IGSF22: variants seen among roughly 807,000 people sequenced by gnomAD.
The protein encoded by IGSF22 is immunoglobulin superfamily, member 22.
In IGSF22, 119 loss-of-function variants were observed where a neutral mutation model predicts 127.0. The ratio of observed to expected loss-of-function variants is 0.94; its 90% CI spans 0.81 to 1.09. The LOEUF (loss-of-function observed/expected upper bound fraction) is 1.09, where lower values mean the gene tolerates loss of function less well. Ranked by LOEUF, IGSF22 falls within the 50% of genes least tolerant of loss-of-function variation. The pLI is 0.00. For missense variants in IGSF22, 1,518 were observed against 1,716.6 expected, an observed-to-expected ratio of 0.88 and a Z score of 2.04; for synonymous variants, 568 against 664.7, an observed-to-expected ratio of 0.85 and a Z score of 2.24.
rs1848282105 is a variant in IGSF22, at chr11:18,708,156, C to T, written c.3087+51G>A. 17 of 1,531,534 alleles carry T rather than the reference C, an allele frequency of 1.1e-5. No homozygotes were observed. In the South Asian group the frequency reaches 2.0e-4, roughly 18 times the overall value. 94.9% of individuals were successfully genotyped at this position (1,531,534 alleles called of 1,614,324 possible). On this transcript the variant is annotated intron_variant, in intron 19 of 22. Transcript: ENST00000513874. ...CAGAGACTGTGATGGCTACAATAGC[C>T]ATCTTGGTTATGTGGACAGTGTATG...
At chr11:18,712,516 C>T in intron 14 of IGSF22, 132 bp from the exon 15 acceptor site, 1 of 747,210 alleles carries the variant, frequency 1.3e-6, no homozygotes, top group Admixed American at 2.9e-5. Context: ...TTGCCCCTCC[C>T]TGTGTCCACC....
intron 21 of IGSF22, chr11:18,706,708 A>C: frequency 2.0e-6 from 1 of 491,914 alleles, no homozygotes; most frequent in South Asian, 3.8e-5. Context: ...CCCCAAAGGT[A>C]CCTCCCCACC....
chr11:18,706,557 A>G (rs1478998412), intron 21 of IGSF22: 3 of 341,384 alleles, frequency 8.8e-6, no homozygotes, highest in African/African-American at 6.3e-5. Flanking sequence ...CCCACCCTTA[A>G]CCCCTAGCCT....
At chr11:18,720,677 G>A (rs1848555095) in intron 4 of IGSF22, among the ~76,000 whole-genome samples, 1 of 152,214 alleles carries the variant, frequency 6.6e-6, no homozygotes, top group African/African-American at 2.4e-5. Flanking sequence ...ACAGTGGTGA[G>A]TAAGGCTGAC....
Position 18,712,319 on chromosome 11 carries a change from T to G in IGSF22, c.2161A>C (p.Lys721Gln). 6.4e-7 allele frequency: 1 copy of G among 1,551,696 alleles called. No homozygotes were observed. Among genetic ancestry groups the G allele is most frequent in the Non-Finnish European group, 8.7e-7 (1 of 1,146,986 alleles). Residue 721 changes from lysine to glutamine, a missense_variant, in exon 15 of 23, where the codon AAG (lysine) becomes CAG (glutamine). Physicochemically the swap from Lys to Gln is moderately conservative, Grantham distance 53. Around this residue, in one of 3 missense-constraint regions of IGSF22, gnomAD observed 1,456 missense variants for 1,644.9 expected, o/e 0.89. Coordinates refer to ENST00000513874, the MANE Select transcript of IGSF22 (RefSeq NM_173588.4). ...CCATTGTCCTTTGGGGCCTTCCACTTCATGTGCACACAACTACCTGAGAGC... is the reference window on the plus strand; with the variant it reads ...CCATTGTCCTTTGGGGCCTTCCACTGCATGTGCACACAACTACCTGAGAGC... ...LELSGSCVHM[K>Q]WKAPKDNGGR... is the part of the protein sequence containing the mutation.
Position 18,707,150 on chromosome 11 carries a change from G to A in IGSF22, c.3344C>T (p.Thr1115Ile). The change falls in exon 21 of 23, where the codon ACC (threonine) becomes ATC (isoleucine). Residue 1115 changes from threonine to isoleucine, a missense_variant. Around this residue, in one of 3 missense-constraint regions of IGSF22, gnomAD observed 1,456 missense variants for 1,644.9 expected, o/e 0.89. Transcript: ENST00000513874. ...CTGCACATCTGGGCTGTGGTTCCAG[G>A]TCAGAGTCACTGTGTTGGGGACTTC... Reference protein sequence around the residue: ...FEEVPNTVTLTWNHSPDVQED... With the variant: ...FEEVPNTVTLIWNHSPDVQED... 6.4e-7 allele frequency: 1 copy of A among 1,551,430 alleles called. No individual in the cohort carries two copies. Among genetic ancestry groups the A allele is most frequent in the Non-Finnish European group, 8.7e-7 (1 of 1,146,848 alleles).
chr11:18,719,999 C>A (rs1242579571), intron 6 of IGSF22, 65 bp downstream of exon 6: 1 of 1,610,462 alleles, frequency 6.2e-7, no homozygotes, highest in African/African-American at 1.3e-5. Flanking sequence ...TGTTGAGAGG[C>A]CTTTGAGAGG....
At chr11:18,707,435 A>G in intron 20 of IGSF22, 1 of 539,652 alleles carries the variant, frequency 1.9e-6, no homozygotes, top group East Asian at 3.0e-5. Flanking sequence ...ATTGCAAAAT[A>G]GAGCTGACAA....
intron 15 of IGSF22, 46 bp downstream of exon 15, chr11:18,712,036 T>G: frequency 6.7e-7 from 1 of 1,494,338 alleles, no homozygotes; most frequent in South Asian, 1.3e-5. Context: ...AAGGTCTCCA[T>G]GCTGACCCCT....
At position 18,720,050 on chromosome 11, in the gene IGSF22, C is replaced by T. The variant is rs192187271; in HGVS notation, c.518+14G>A. The T allele has an allele frequency of 1.2e-6, 2 of 1,613,846 alleles. No individual in the cohort carries two copies. Among genetic ancestry groups the T allele is most frequent in the Non-Finnish European group, 1.7e-6 (2 of 1,179,934 alleles). ...GGAGACAATATCTTGGGCAGAAGGACCTGCCAGCCTCACCTCTTCTTCAGC... is the reference window on the plus strand; with the variant it reads ...GGAGACAATATCTTGGGCAGAAGGATCTGCCAGCCTCACCTCTTCTTCAGC... On this transcript the variant is annotated intron_variant, in intron 6 of 22. Coordinates refer to ENST00000513874, the MANE Select transcript of IGSF22 (RefSeq NM_173588.4).
chr11:18,719,967 G>C, intron 6 of IGSF22, 74 bp from the exon 7 acceptor site: 1 of 1,610,188 alleles, frequency 6.2e-7, no homozygotes, highest in Non-Finnish European at 8.5e-7. Flanking sequence ...CCTACTCCAT[G>C]GATTCTTGGA....
rs551427907 is a variant in IGSF22, at chr11:18,710,379, G to C, written c.2649C>G (p.Gly883=). The C allele has an allele frequency of 1.9e-5, 31 of 1,614,208 alleles. No homozygotes were observed. The highest frequency in any genetic ancestry group is 2.5e-5 in the Non-Finnish European group (29 of 1,180,032). ...TGGATGGCACACTGGGCTGTCCAGG[G>C]CCTGCCTTATTTACAGCTATAACTC... ...EFRVIAVNKA[G]PGQPSVPSSS... The change falls in exon 17 of 23, where the codon GGC becomes GGG. Residue 883 remains glycine, a synonymous_variant. Transcript: ENST00000513874.
rs756182358 is a variant in IGSF22 at position 18,716,709 on chromosome 11, C to T, written c.1246+19G>A. On this transcript the variant is annotated intron_variant, in intron 10 of 22. Coordinates refer to ENST00000513874, the MANE Select transcript of IGSF22 (RefSeq NM_173588.4). This position sits in a 1 kb window ranked among gnomAD's most constrained non-coding sequence, Gnocchi z 4.5. ...TGTGCCATAAAGCCCACCCCTTAGG[C>T]TCTTGCCCAACCACTCACGGTCAAC... 1 of 1,610,834 alleles carries T rather than the reference C, an allele frequency of 6.2e-7. No individual in the cohort carries two copies. The highest frequency in any genetic ancestry group is 1.1e-5 in the South Asian group (1 of 90,990).
chr11:18,711,813 G>T (rs765640995), intron 15 of IGSF22, among the ~76,000 whole-genome samples: 1 of 152,192 alleles, frequency 6.6e-6, no homozygotes, highest in Non-Finnish European at 1.5e-5. Context: ...ATGACTTCTG[G>T]GATGGAGAAA....
In IGSF22 at chr11:18,707,092, C is replaced by A; in HGVS notation, c.3402G>T (p.Lys1134Asn). The change falls in exon 21 of 23, where the codon AAG becomes AAT. Residue 1134 changes from lysine (K) to asparagine (N), a missense_variant. Lys to Asn is a moderately conservative substitution (Grantham distance 94). This residue lies in a region of IGSF22 where 1,456 missense variants were observed against 1,644.9 expected (regional missense o/e 0.89). Coordinates refer to ENST00000513874, the MANE Select transcript of IGSF22 (RefSeq NM_173588.4). ...EDGEAHYIIMKRDASTATWYT... is the reference protein window; with the variant it reads ...EDGEAHYIIMNRDASTATWYT... ...ACCAGGTGGCTGTGCTTGCATCCCGCTTCATGATGATGTAGTGAGCCTCAC... is the reference window on the plus strand; with the variant it reads ...ACCAGGTGGCTGTGCTTGCATCCCGATTCATGATGATGTAGTGAGCCTCAC... 2.6e-6 allele frequency: 4 copies of A among 1,551,712 alleles called. No individual in the cohort carries two copies. Among genetic ancestry groups the A allele is most frequent in the Non-Finnish European group, 3.5e-6 (4 of 1,146,990 alleles).
intron 8 of IGSF22, 64 bp downstream of exon 8, chr11:18,718,551 G>A: frequency 1.1e-6 from 1 of 916,452 alleles, no homozygotes; most frequent in Non-Finnish European, 1.8e-6. Flanking sequence ...CTTATATACA[G>A]TGAGAGAAGG....
chr11:18,715,611 C>T lies in IGSF22; in HGVS notation c.1352G>A (p.Trp451Ter), dbSNP rs1161210480. 6 of 1,613,970 alleles carry T rather than the reference C, an allele frequency of 3.7e-6. No homozygotes were observed. The highest frequency in any genetic ancestry group is 4.2e-6 in the Non-Finnish European group (5 of 1,180,026). ...CATCAGCAGCTGCCCATCCTTCTTC[C>T]AGCGCAGTGTCACATCCTTGGATGT... ...ELTSKDVTLR[W>*]KKDGQLLMHG... The change falls in exon 11 of 23, where the codon TGG (tryptophan) becomes TAG (stop). Residue 451 changes from tryptophan (W) to a stop codon, truncating the protein, a stop_gained. Transcript: ENST00000513874. LOFTEE classifies it high-confidence loss of function.
intron 21 of IGSF22, chr11:18,706,400 G>A: frequency 1.9e-6 from 1 of 534,220 alleles, no homozygotes; most frequent in Non-Finnish European, 3.3e-6. Flanking sequence ...CACCCCTGGG[G>A]CCGAGATGTC....
chr11:18,705,727 G>A, intron 22 of IGSF22, 90 bp downstream of exon 22: 2 of 1,159,390 alleles, frequency 1.7e-6, no homozygotes, highest in South Asian at 1.6e-5. Flanking sequence ...ATTAAAAAAC[G>A]GTGCCAGCCA....
Sources: allele counts gnomAD v4.1 joint callset (sites outside exome capture counted in the v4.1 genomes callset), GRCh38; gene constraint gnomAD v4.1.1; regional missense constraint gnomAD v4.1.1; non-coding constraint Gnocchi (gnomAD v3.1); transcripts MANE v1.5; gene names NCBI Gene and HGNC (gene_info 2026-07-23, HGNC 2026-07-21).